PLEKHG6: variants seen among roughly 807,000 people sequenced by gnomAD.
The protein encoded by PLEKHG6 is pleckstrin homology and RhoGEF domain containing G6.
A neutral mutation model predicts 97.5 loss-of-function variants in PLEKHG6; 91 were observed. The observed-to-expected ratio is 0.93, with a 90% CI of 0.79 to 1.11. The LOEUF (loss-of-function observed/expected upper bound fraction) is 1.11, where lower values mean the gene tolerates loss of function less well. Ranked by LOEUF, PLEKHG6 falls within the 50% of genes most tolerant of loss-of-function variation. PLEKHG6 has a pLI of 0.00. For missense variants in PLEKHG6, 1,044 were observed against 1,031.0 expected (o/e 1.01, Z -0.17); for synonymous variants, 466 against 425.5 (o/e 1.10, Z -1.17).
At chr12:6,312,947 A>T (rs1445406746) in intron 2 of PLEKHG6, 3 of 1,415,508 alleles carry the variant, frequency 2.1e-6, no homozygotes, top group East Asian at 5.2e-5. Context: ...TGGCTGGGAC[A>T]TCCCCTGCCT....
At chr12:6,324,521 T>C (rs1030224614) in intron 13 of PLEKHG6, among the ~76,000 whole-genome samples, 3 of 152,024 alleles carry the variant, frequency 2.0e-5, no homozygotes, top group African/African-American at 7.3e-5. Flanking sequence ...CACCCTCTCT[T>C]TTCTCACTTC....
Position 6,317,874 on chromosome 12 carries a change from A to T in PLEKHG6, c.1035A>T (p.Ser345=), listed in dbSNP as rs1947539625. Residue 345 remains serine, a synonymous_variant, in exon 10 of 16, where the codon TCA becomes TCT. Coordinates refer to ENST00000684764, the MANE Select transcript of PLEKHG6 (RefSeq NM_001384598.1). The stretch of plus-strand genomic sequence containing the variant: ...CCACCTAGATTGAAGCCGTGGAGTC[A>T]TTCCTGCGACACATCAATGGGCAGG... ...ALNAMIEAVE[S]FLRHINGQVR... 6.4e-7 allele frequency: 1 copy of T among 1,554,796 alleles called. No individual in the cohort carries two copies. The highest frequency in any genetic ancestry group is 8.7e-7 in the Non-Finnish European group (1 of 1,148,586).
rs1947465293 is a variant in PLEKHG6 at position 6,316,483 on chromosome 12, A to G, written c.756+79A>G. 6.0e-6 allele frequency: 8 copies of G among 1,331,766 alleles called. No individual in the cohort carries two copies. Among genetic ancestry groups the G allele is most frequent in the South Asian group, 1.5e-5 (1 of 66,660 alleles). 82.5% of individuals were successfully genotyped at this position (1,331,766 alleles called of 1,614,324 possible). On this transcript the variant is annotated intron_variant, in intron 7 of 15. Coordinates refer to ENST00000684764, the MANE Select transcript of PLEKHG6 (RefSeq NM_001384598.1). This position sits in a 1 kb window ranked among gnomAD's most constrained non-coding sequence, Gnocchi z 4.1. The stretch of plus-strand genomic sequence containing the variant: ...GGTCCTGTGTGTAGGGCATGCCCAC[A>G]GTATGCAAATCTCTGTGATTTGAGG...
intron 9 of PLEKHG6, 69 bp downstream of exon 9, chr12:6,317,765 G>A (rs1438123624): frequency 1.0e-5 from 16 of 1,580,178 alleles, no homozygotes; most frequent in Non-Finnish European, 1.4e-5. Flanking sequence ...TTCTTAGTGT[G>A]TCTGTGACAG....
At chr12:6,311,638 G>T (rs924541073) in intron 1 of PLEKHG6, among the ~76,000 whole-genome samples, 10 of 152,094 alleles carry the variant, frequency 6.6e-5, no homozygotes, top group African/African-American at 2.4e-4. Flanking sequence ...TTGCAGGGGG[G>T]GCAGCAGTTG....
chr12:6,327,642 A>G lies in PLEKHG6; in HGVS notation c.2059A>G (p.Arg687Gly). The change falls in exon 15 of 16, where the codon AGG becomes GGG. Residue 687 changes from arginine to glycine, a missense_variant. By Grantham distance (125) the Arg-to-Gly change is moderately radical. Coordinates refer to ENST00000684764, the MANE Select transcript of PLEKHG6 (RefSeq NM_001384598.1). Reference protein sequence around the residue: ...RGNVVVETLHRARLRGQLPSS... With the variant: ...RGNVVVETLHGARLRGQLPSS... The stretch of plus-strand genomic sequence containing the variant: ...GAATGTGGTGGTGGAAACACTCCAC[A>G]GGGCCCGGCTTCGGGGCCAGCTTCC... 1 of 1,563,420 alleles carries G rather than the reference A, an allele frequency of 6.4e-7. No homozygotes were observed. Among genetic ancestry groups the G allele is most frequent in the Non-Finnish European group, 8.7e-7 (1 of 1,150,282 alleles).
In PLEKHG6 at chr12:6,317,358, T is replaced by A; in HGVS notation, c.812T>A (p.Met271Lys). The stretch of plus-strand genomic sequence containing the variant: ...TACTGCCTCCGAGTGAAGCAGACCA[T>A]GGCTTACGCCCGAGAACAGCAAGAA... ...VQYCLRVKQT[M>K]AYAREQQETN... The change falls in exon 8 of 16, where the codon ATG (methionine) becomes AAG (lysine). Residue 271 changes from methionine (M) to lysine (K), a missense_variant. Met to Lys is a moderately conservative substitution (Grantham distance 95). Transcript: ENST00000684764. 6.2e-7 allele frequency: 1 copy of A among 1,614,132 alleles called. No individual in the cohort carries two copies. The highest frequency in any genetic ancestry group is 8.5e-7 in the Non-Finnish European group (1 of 1,180,004).
intron 1 of PLEKHG6, among the ~76,000 whole-genome samples, chr12:6,311,383 C>T (rs1042966538): frequency 5.9e-5 from 9 of 152,176 alleles, no homozygotes; most frequent in Non-Finnish European, 1.0e-4. Flanking sequence ...GGACAGCTGG[C>T]CCCACTCACC....
In PLEKHG6 at chr12:6,318,414, A is replaced by G; in HGVS notation, c.1269A>G (p.Glu423=). ...EGPVRVKEGR[E]GKLDVYLFLF... ...CTGTGCGAGTGAAGGAGGGACGAGAAGGGAAGGTGAGGGTGCTGCGGACAG... is the reference window on the plus strand; with the variant it reads ...CTGTGCGAGTGAAGGAGGGACGAGAGGGGAAGGTGAGGGTGCTGCGGACAG... The change falls in exon 11 of 16, where the codon GAA becomes GAG. Residue 423 remains glutamate, a synonymous_variant. Transcript: ENST00000684764. 1 of 1,607,232 alleles carries G rather than the reference A, an allele frequency of 6.2e-7. No individual in the cohort carries two copies. Among genetic ancestry groups the G allele is most frequent in the Non-Finnish European group, 8.5e-7 (1 of 1,177,026 alleles).
intron 13 of PLEKHG6, among the ~76,000 whole-genome samples, chr12:6,324,298 C>CCA (rs1592035105): frequency 1.4e-5 from 2 of 145,096 alleles, no homozygotes; most frequent in East Asian, 4.1e-4. Flanking sequence ...CCCCTCCCCC[C>CCA]CCCGCCGCCT....
intron 13 of PLEKHG6, among the ~76,000 whole-genome samples, chr12:6,325,436 G>A (rs1412571545): frequency 1.3e-5 from 2 of 152,206 alleles, no homozygotes; most frequent in East Asian, 1.9e-4. Context: ...ATGTGCAAAA[G>A]TGCTTTGAAA....
intron 15 of PLEKHG6, 40 bp downstream of exon 15, chr12:6,327,986 G>C: frequency 1.3e-6 from 2 of 1,512,204 alleles, no homozygotes; most frequent in Non-Finnish European, 1.8e-6. Flanking sequence ...GGGGGCAGAC[G>C]GGGATGTCTG....
chr12:6,326,680 G>C (rs1947868970), intron 14 of PLEKHG6, 107 bp downstream of exon 14: 2 of 1,102,808 alleles, frequency 1.8e-6, no homozygotes, highest in Admixed American at 3.5e-5. Context: ...ATAGATAGAG[G>C]AACGCAGGCG....
chr12:6,313,261 G>C lies in PLEKHG6; in HGVS notation c.139-368G>C, dbSNP rs970416350. Reference sequence around the variant, plus strand: ...GAGTTACGAGAGACCAGAATGCTGTGTGCACCACGCCTTGTCCATGCACCC... The same window carrying C: ...GAGTTACGAGAGACCAGAATGCTGTCTGCACCACGCCTTGTCCATGCACCC... On this transcript the variant is annotated intron_variant, in intron 2 of 15. Transcript: ENST00000684764. The C allele has an allele frequency of 1.1e-5, 15 of 1,371,368 alleles. No homozygotes were observed. In the East Asian group the frequency reaches 3.8e-4, roughly 35 times the overall value. The allele number at this position is 1,371,368 out of a possible 1,614,324, so 84.9% of individuals were successfully genotyped here.
Position 6,316,129 on chromosome 12 carries a change from T to G in PLEKHG6, c.607-126T>G. ...CATCCTTGAGATCTTCCAGGCCCAG[T>G]GCCCAGTTCATCCTTCTTCACCCCC... On this transcript the variant is annotated intron_variant, in intron 6 of 15. Transcript: ENST00000684764. This position sits in a 1 kb window ranked among gnomAD's most constrained non-coding sequence, Gnocchi z 4.1. The G allele has an allele frequency of 9.9e-7, 1 of 1,008,062 alleles. No homozygotes were observed. The highest frequency in any genetic ancestry group is 1.4e-6 in the Non-Finnish European group (1 of 700,284). The allele number at this position is 1,008,062 out of a possible 1,614,324, so 62.4% of individuals were successfully genotyped here. A position where few individuals can be genotyped will look rare whatever the true frequency, so the allele number is the denominator to read the frequency against.
In PLEKHG6 at chr12:6,312,357, C is replaced by A; in HGVS notation, c.131C>A (p.Pro44His). The change falls in exon 2 of 16, where the codon CCT becomes CAT. Residue 44 changes from proline (P) to histidine (H), a missense_variant. Pro to His is a moderately conservative substitution (Grantham distance 77). Coordinates refer to ENST00000684764, the MANE Select transcript of PLEKHG6 (RefSeq NM_001384598.1). ...GGCAGACTCTATCCCCGAGGATACC[C>A]TGTGCTGGTGAGTCCAGGCTGTGCC... ...TAGRLYPRGY[P>H]VLDPSRRRLQ... 1 of 1,584,752 alleles carries A rather than the reference C, an allele frequency of 6.3e-7. No individual in the cohort carries two copies. The highest frequency in any genetic ancestry group is 8.6e-7 in the Non-Finnish European group (1 of 1,168,142).
chr12:6,321,732 C>T (rs1565460044), intron 13 of PLEKHG6, among the ~76,000 whole-genome samples: 2 of 145,724 alleles, frequency 1.4e-5, no homozygotes, highest in Non-Finnish European at 3.0e-5. Context: ...GAGGCTGAGG[C>T]AGGAGAATGG....
intron 13 of PLEKHG6, among the ~76,000 whole-genome samples, chr12:6,320,740 G>A (rs1257981069): frequency 6.6e-6 from 1 of 152,118 alleles, no homozygotes; most frequent in East Asian, 1.9e-4. Context: ...TCTTTTGGGG[G>A]GGCCACTATT....
intron 2 of PLEKHG6, chr12:6,312,673 T>G: frequency 1.7e-6 from 2 of 1,193,442 alleles, no homozygotes; most frequent in Non-Finnish European, 2.1e-6. Context: ...AGCTGGCGCC[T>G]CCCAGGCTCC....
Sources: gnomAD v4.1 joint callset for allele counts (sites outside exome capture counted in the v4.1 genomes callset) on GRCh38, gnomAD v4.1.1 for gene constraint, Gnocchi (gnomAD v3.1) non-coding constraint, MANE v1.5 for transcripts, NCBI Gene and HGNC (gene_info 2026-07-23, HGNC 2026-07-21) for gene names.